Variants in INPP5F observed in about 807,000 individuals in gnomAD.
INPP5F encodes inositol polyphosphate-5-phosphatase F.
In INPP5F, 97 loss-of-function variants were observed where a neutral mutation model predicts 137.2. That is an observed-to-expected ratio of 0.71 (90% CI 0.60 to 0.84). The LOEUF (loss-of-function observed/expected upper bound fraction) is 0.84, where lower values mean the gene tolerates loss of function less well. Among genes scored for constraint, INPP5F ranks in the 40% least tolerant of loss-of-function variants. INPP5F has a pLI of 0.00. For synonymous variants in INPP5F, 504 were observed against 476.9 expected, an observed-to-expected ratio of 1.06 and a Z score of -0.74; for missense variants, 1,271 against 1,371.9, an observed-to-expected ratio of 0.93 and a Z score of 1.16.
chr10:119,731,596 A>G (rs1360237365), intron 1 of INPP5F, among the ~76,000 whole-genome samples: 1 of 152,204 alleles, frequency 6.6e-6, no homozygotes, highest in East Asian at 1.9e-4. Context: ...CCTGGGAGGC[A>G]GAGGTTGCAG....
Position 119,797,599 on chromosome 10 carries a change from A to G in INPP5F, c.1007A>G (p.Gln336Arg). The G allele has an allele frequency of 6.2e-7, 1 of 1,613,398 alleles. No homozygotes were observed. The highest frequency in any genetic ancestry group is 8.5e-7 in the Non-Finnish European group (1 of 1,179,666). ...TRGSVPVFWS[Q>R]VGYRYNPRPR... is the part of the protein sequence containing the mutation. ...GGCTCTGTGCCTGTCTTTTGGAGCC[A>G]GGTTGGGTATCGATATAACCCAAGA... The change falls in exon 8 of 20, where the codon CAG (glutamine) becomes CGG (arginine). Residue 336 changes from glutamine (Q) to arginine (R), a missense_variant. Gln to Arg is a conservative substitution (Grantham distance 43, BLOSUM62 1). Coordinates refer to ENST00000650623, the MANE Select transcript of INPP5F (RefSeq NM_014937.4).
chr10:119,770,404 G>A (rs1381340076), intron 2 of INPP5F, among the ~76,000 whole-genome samples: 1 of 152,160 alleles, frequency 6.6e-6, no homozygotes, highest in Non-Finnish European at 1.5e-5. Flanking sequence ...TTTAAAAATT[G>A]TACTGTGAAA....
intron 2 of INPP5F, among the ~76,000 whole-genome samples, chr10:119,765,795 T>C (rs1849143380): frequency 1.3e-5 from 2 of 148,346 alleles, no homozygotes; most frequent in Non-Finnish European, 3.0e-5. Context: ...ATAGTGTATA[T>C]ATATACTATA....
intron 2 of INPP5F, among the ~76,000 whole-genome samples, chr10:119,771,177 TC>T (rs1490619695): frequency 6.6e-6 from 1 of 152,236 alleles, no homozygotes; most frequent in Non-Finnish European, 1.5e-5. Context: ...ATTTTCCTGT[TC>T]TCAATATTTC....
intron 15 of INPP5F, 43 bp from the exon 16 acceptor site, chr10:119,820,803 A>G: frequency 6.7e-7 from 1 of 1,484,244 alleles, no homozygotes. Flanking sequence ...AAAAATGCAG[A>G]TGGAAATGAA....
At chr10:119,739,978 T>C (rs1272945092) in intron 1 of INPP5F, among the ~76,000 whole-genome samples, 2 of 152,240 alleles carry the variant, frequency 1.3e-5, no homozygotes, top group East Asian at 1.9e-4. Context: ...ACTACACATG[T>C]ATTAGAAGTT....
chr10:119,819,556 A>G, intron 15 of INPP5F: 1 of 1,586,860 alleles, frequency 6.3e-7, no homozygotes, highest in Non-Finnish European at 8.6e-7. Flanking sequence ...ATCAACGCGT[A>G]AAACTTAACA....
intron 1 of INPP5F, among the ~76,000 whole-genome samples, chr10:119,747,605 C>G (rs1292705575): frequency 6.6e-6 from 1 of 152,162 alleles, no homozygotes; most frequent in African/African-American, 2.4e-5. Context: ...ACCTTTGTAG[C>G]AAACAATTTG....
At chr10:119,769,572 C>G (rs1048552447) in intron 2 of INPP5F, among the ~76,000 whole-genome samples, 10 of 152,088 alleles carry the variant, frequency 6.6e-5, no homozygotes, top group African/African-American at 1.2e-4. Context: ...TAAAGAAGAC[C>G]CATTCTTATC....
chr10:119,758,765 A>G (rs866768123), intron 2 of INPP5F, among the ~76,000 whole-genome samples: 27 of 152,356 alleles, frequency 1.8e-4, no homozygotes, highest in African/African-American at 5.5e-4. Context: ...CTAGACAAAA[A>G]TTCACTCAAG....
chr10:119,804,123 T>C, intron 9 of INPP5F, 50 bp from the exon 10 acceptor site: 1 of 1,365,184 alleles, frequency 7.3e-7, no homozygotes, highest in Non-Finnish European at 1.0e-6. Flanking sequence ...TTAAACCACA[T>C]TGTGATTCTA....
Position 119,765,901 on chromosome 10 carries a change from G to A in INPP5F, c.178+14745G>A, listed in dbSNP as rs181421209. Among the ~76,000 whole-genome samples the A allele has an allele frequency of 5.3e-3, 766 of 144,350 alleles. 11 individuals carry two copies. Among genetic ancestry groups the A allele is most frequent in the African/African-American group, 0.017 (655 of 37,736 alleles). 94.7% of individuals were successfully genotyped at this position (144,350 alleles called of 152,430 possible). ...TATATAGAGAGAGAGAGAGAGAGAC[G>A]GAGATTTAACATCTATACCGAAATT... On this transcript the variant is annotated intron_variant, in intron 2 of 19. Coordinates refer to ENST00000650623, the MANE Select transcript of INPP5F (RefSeq NM_014937.4).
intron 15 of INPP5F, among the ~76,000 whole-genome samples, chr10:119,818,385 T>C (rs1183625267): frequency 2.6e-5 from 4 of 152,132 alleles, no homozygotes; most frequent in Non-Finnish European, 5.9e-5. Flanking sequence ...GGTAATGGAG[T>C]GGCCAGGCAC....
intron 15 of INPP5F, chr10:119,819,010 T>C (rs2134285057): frequency 6.6e-6 from 1 of 152,644 alleles, no homozygotes; most frequent in East Asian, 1.9e-4. Flanking sequence ...TGATGTCCCC[T>C]GAAGACAGCG....
intron 1 of INPP5F, among the ~76,000 whole-genome samples, chr10:119,731,461 C>A: frequency 6.6e-6 from 1 of 152,068 alleles, no homozygotes; most frequent in East Asian, 1.9e-4. Context: ...GTCAGGAGTT[C>A]AAGACCAGCC....
At chr10:119,768,526 A>G (rs893165618) in intron 2 of INPP5F, 1 of 152,208 alleles carries the variant, frequency 6.6e-6, no homozygotes, top group Non-Finnish European at 1.5e-5. Flanking sequence ...TGGCCAATAT[A>G]ATGAGATCCT....
In INPP5F at chr10:119,827,797, T is replaced by A; in HGVS notation, c.*17T>A. 16 of 1,526,452 alleles carry A rather than the reference T, an allele frequency of 1.0e-5. No individual in the cohort carries two copies. Among genetic ancestry groups the A allele is most frequent in the Non-Finnish European group, 1.4e-5 (16 of 1,117,104 alleles). 94.6% of individuals were successfully genotyped at this position (1,526,452 alleles called of 1,614,324 possible). ...CAGATTTAGCTTTTAGCCATAAGAA[T>A]CCTTCCATGGCTTTTATTTAAAAAT... On this transcript the variant is annotated 3_prime_UTR_variant, in exon 20 of 20. Transcript: ENST00000650623.
intron 9 of INPP5F, among the ~76,000 whole-genome samples, chr10:119,800,396 A>G (rs1850541253): frequency 6.6e-6 from 1 of 150,988 alleles, no homozygotes. Context: ...TCTACTGAAA[A>G]AAAAAAAAAA....
At chr10:119,747,055 C>G (rs1023651661) in intron 1 of INPP5F, among the ~76,000 whole-genome samples, 12 of 152,002 alleles carry the variant, frequency 7.9e-5, no homozygotes, top group African/African-American at 2.9e-4. Context: ...TTCCGAAGTG[C>G]TGGGATTATA....
Sources: allele counts gnomAD v4.1 joint callset (sites outside exome capture counted in the v4.1 genomes callset), GRCh38; gene constraint gnomAD v4.1.1; transcripts MANE v1.5; gene names NCBI Gene and HGNC (gene_info 2026-07-23, HGNC 2026-07-21).